SNX8: variants seen among roughly 807,000 people sequenced by gnomAD.
The protein encoded by SNX8 is sorting nexin-8.
In SNX8, 25 loss-of-function variants were observed where a neutral mutation model predicts 51.6. That is an observed-to-expected ratio of 0.48 (90% CI 0.35 to 0.68). SNX8 has a LOEUF of 0.68. Ranked by LOEUF, SNX8 falls within the 30% of genes least tolerant of loss-of-function variation. SNX8 has a pLI of 0.00. For synonymous variants in SNX8, 324 were observed against 277.0 expected (o/e 1.17, Z -1.68); for missense variants, 695 against 624.0 (o/e 1.11, Z -1.21).
chr7:2,345,536 G>A (rs1779005448), intron 1 of SNX8, among the ~76,000 whole-genome samples: 1 of 151,764 alleles, frequency 6.6e-6, no homozygotes, highest in African/African-American at 2.4e-5. Flanking sequence ...AAATTAGCCG[G>A]GCCTGCTGGC....
intron 9 of SNX8, 63 bp from the exon 10 acceptor site, chr7:2,257,086 A>T: frequency 6.6e-7 from 1 of 1,514,480 alleles, no homozygotes; most frequent in African/African-American, 1.4e-5. Context: ...CCAAGGCCCG[A>T]ACACCAGCGT....
chr7:2,291,042 C>T (rs912426995), intron 1 of SNX8, among the ~76,000 whole-genome samples: 1 of 152,134 alleles, frequency 6.6e-6, no homozygotes, highest in Non-Finnish European at 1.5e-5. Context: ...GCCTGCAATC[C>T]CAGAACTTTG....
intron 1 of SNX8, among the ~76,000 whole-genome samples, chr7:2,303,151 G>A (rs1796448502): frequency 6.8e-6 from 1 of 147,738 alleles, no homozygotes; most frequent in African/African-American, 2.5e-5. Context: ...TCCGGGAGGT[G>A]AGGAGTGCCT....
At chr7:2,276,642 TAAAAAAAAA>T (rs34590431) in intron 2 of SNX8, among the ~76,000 whole-genome samples, 1 of 128,432 alleles carries the variant, frequency 7.8e-6, no homozygotes, top group African/African-American at 3.0e-5. Context: ...ATTTGTACTT[TAAAAAAAAA>T]AAAAAAAAAA....
At chr7:2,303,271 G>A (rs13224633) in intron 1 of SNX8, among the ~76,000 whole-genome samples, 8 of 137,514 alleles carry the variant, frequency 5.8e-5, no homozygotes, top group South Asian at 2.3e-4. Context: ...CGCCCCGTCC[G>A]GGAGGGAGGT....
At position 2,263,678 on chromosome 7, in the gene SNX8, G is replaced by A. The variant is rs937096033; in HGVS notation, c.783-316C>T. 5.3e-5 allele frequency among the ~76,000 whole-genome samples: 8 copies of A among 152,080 alleles called. No individual in the cohort carries two copies. In the East Asian group the frequency reaches 7.7e-4, roughly 15 times the overall value. On this transcript the variant is annotated intron_variant, in intron 6 of 10. Transcript: ENST00000222990. ...TCCCCTCCCCTCAGGCAAAGGAAGCGCTGCCAGCCCATGGTCTGTTCTTCC... is the reference window on the plus strand; with the variant it reads ...TCCCCTCCCCTCAGGCAAAGGAAGCACTGCCAGCCCATGGTCTGTTCTTCC...
intron 8 of SNX8, 24 bp downstream of exon 8, chr7:2,257,711 A>G: frequency 6.2e-7 from 1 of 1,610,766 alleles, no homozygotes; most frequent in East Asian, 2.2e-5. Flanking sequence ...TTCTGCCCCC[A>G]GCCAAGGAGC....
intron 1 of SNX8, among the ~76,000 whole-genome samples, chr7:2,336,416 T>C (rs1484739411): frequency 1.4e-5 from 2 of 141,774 alleles, no homozygotes; most frequent in Non-Finnish European, 3.1e-5. Flanking sequence ...TAATAACAAA[T>C]TTTTAAAAAA....
chr7:2,260,188 C>G (rs2115095663), intron 7 of SNX8, among the ~76,000 whole-genome samples: 1 of 152,220 alleles, frequency 6.6e-6, no homozygotes, highest in African/African-American at 2.4e-5. Flanking sequence ...CTCCGCCTCC[C>G]AGGTTCAAGC....
intron 7 of SNX8, among the ~76,000 whole-genome samples, chr7:2,260,479 G>A (rs542636998): frequency 6.6e-5 from 10 of 152,200 alleles, no homozygotes; most frequent in African/African-American, 2.4e-4. Context: ...GGACAAATGT[G>A]CCCTAAACCA....
At chr7:2,283,013 C>T (rs1050069910) in intron 1 of SNX8, among the ~76,000 whole-genome samples, 2 of 151,520 alleles carry the variant, frequency 1.3e-5, no homozygotes, top group African/African-American at 4.8e-5. Flanking sequence ...CCCAGCTACT[C>T]GGGAGGCTGA....
intron 2 of SNX8, among the ~76,000 whole-genome samples, chr7:2,276,859 T>C (rs986997639): frequency 2.7e-5 from 4 of 148,242 alleles, no homozygotes; most frequent in Non-Finnish European, 4.5e-5. Flanking sequence ...GTGGGAGGGT[T>C]GCTTGAGCCT....
At chr7:2,294,846 G>C (rs1322241012) in intron 1 of SNX8, among the ~76,000 whole-genome samples, 2 of 151,868 alleles carry the variant, frequency 1.3e-5, no homozygotes, top group Admixed American at 6.6e-5. Flanking sequence ...CCAGCCCGGG[G>C]AACATGGCAA....
At chr7:2,314,472 C>A, upstream of SNX8, 1 of 1,186,198 alleles carries the variant, frequency 8.4e-7, no homozygotes, top group Non-Finnish European at 1.0e-6. Flanking sequence ...GGCCGCGCAG[C>A]CCTGCCGCGC....
At chr7:2,258,139 T>C (rs1331195274) in intron 7 of SNX8, among the ~76,000 whole-genome samples, 2 of 151,446 alleles carry the variant, frequency 1.3e-5, no homozygotes, top group Admixed American at 6.6e-5. Flanking sequence ...GCCTCCCGAG[T>C]AGCTGGGACT....
At chr7:2,329,568 A>G (rs1218568153) in intron 1 of SNX8, among the ~76,000 whole-genome samples, 1 of 152,126 alleles carries the variant, frequency 6.6e-6, no homozygotes, top group Non-Finnish European at 1.5e-5. Context: ...TGCCTGCCCC[A>G]GGGCAGGACT....
At chr7:2,255,885 C>T (rs1434936611) in intron 10 of SNX8, among the ~76,000 whole-genome samples, 6 of 152,200 alleles carry the variant, frequency 3.9e-5, no homozygotes, top group Non-Finnish European at 7.3e-5. Flanking sequence ...CAAGACCTGC[C>T]GTGCAGGGGC....
intron 1 of SNX8, among the ~76,000 whole-genome samples, chr7:2,313,646 T>A (rs1043525106): frequency 4.0e-5 from 6 of 151,398 alleles, no homozygotes; most frequent in African/African-American, 1.5e-4. Flanking sequence ...GAGGACCGCT[T>A]GAGGCCAGAA....
chr7:2,311,034 T>C (rs961149297), intron 1 of SNX8, among the ~76,000 whole-genome samples: 1 of 152,234 alleles, frequency 6.6e-6, no homozygotes, highest in Admixed American at 6.5e-5. Flanking sequence ...AATACATTTG[T>C]CCATGTATGG....
Sources: allele counts gnomAD v4.1 joint callset (sites outside exome capture counted in the v4.1 genomes callset), GRCh38; gene constraint gnomAD v4.1.1; transcripts MANE v1.5; gene names NCBI Gene and HGNC (gene_info 2026-07-23, HGNC 2026-07-21).